The following UNC13C variants were observed in gnomAD, a reference collection of about 807,000 sequenced individuals.
The protein encoded by UNC13C is unc-13 homolog C.
Under a neutral mutation model 245.4 loss-of-function variants are expected in UNC13C, and 174 were observed. That is an observed-to-expected ratio of 0.71 (90% CI 0.63 to 0.80). The LOEUF (loss-of-function observed/expected upper bound fraction) is 0.80, where lower values mean the gene tolerates loss of function less well. UNC13C is among the 30% of genes least tolerant of loss of function. The pLI, the probability that UNC13C is intolerant of heterozygous loss-of-function variation, is 0.00. For synonymous variants in UNC13C, 992 were observed against 895.1 expected (o/e 1.11, Z -1.93); for missense variants, 2,829 against 2,602.9 (o/e 1.09, Z -1.89).
chr15:54,437,913 G>A (rs764879122), intron 19 of UNC13C, among the ~76,000 whole-genome samples: 7 of 151,886 alleles, frequency 4.6e-5, no homozygotes, highest in Non-Finnish European at 1.0e-4. Flanking sequence ...TTAGGTATAC[G>A]ATAAAAGCCA....
At chr15:53,971,673 C>A in the UNC13C span, among the ~76,000 whole-genome samples, 1 of 152,038 alleles carries the variant, frequency 6.6e-6, no homozygotes, top group Non-Finnish European at 1.5e-5. Context: ...AGTATACTTT[C>A]TTTTAAGAAA....
upstream of UNC13C, among the ~76,000 whole-genome samples, chr15:53,978,044 A>T (rs1017661496): frequency 2.6e-5 from 4 of 152,188 alleles, no homozygotes; most frequent in Non-Finnish European, 5.9e-5. Context: ...GCTAATAGGG[A>T]ATGATACTGT....
chr15:54,241,138 G>A (rs1011703648), intron 7 of UNC13C, among the ~76,000 whole-genome samples: 4 of 152,144 alleles, frequency 2.6e-5, no homozygotes, highest in African/African-American at 9.7e-5. Context: ...TGGGAAACCA[G>A]GTAGAGGGAG....
At chr15:53,981,674 A>G (rs934041764) in intron 1 of UNC13C, among the ~76,000 whole-genome samples, 1 of 152,210 alleles carries the variant, frequency 6.6e-6, no homozygotes, top group Non-Finnish European at 1.5e-5. Flanking sequence ...TTGAGAATGC[A>G]AAAGACTGAT....
intron 26 of UNC13C, among the ~76,000 whole-genome samples, chr15:54,535,923 T>C (rs1895963799): frequency 6.6e-6 from 1 of 151,778 alleles, no homozygotes; most frequent in African/African-American, 2.4e-5. Context: ...CTAGAAAAGC[T>C]AGGAAAACAA....
chr15:53,996,148 T>A (rs1001274063), intron 1 of UNC13C, among the ~76,000 whole-genome samples: 4 of 152,180 alleles, frequency 2.6e-5, no homozygotes, highest in African/African-American at 9.6e-5. Context: ...GGAAGAGATG[T>A]GATCCTTGGA....
intron 30 of UNC13C, among the ~76,000 whole-genome samples, chr15:54,614,988 T>G (rs1900336727): frequency 6.6e-6 from 1 of 152,036 alleles, no homozygotes; most frequent in South Asian, 2.1e-4. Context: ...TATAGAATTT[T>G]TGTTTCAGAT....
Position 54,546,709 on chromosome 15 carries a change from A to ATT in UNC13C, c.5697-5_5697-4dup, listed in dbSNP as rs746243767. ...AATTTAAAAGTGAATATATATATAT[A>ATT]TTTTTTTTTCAGATTAAGTCTCTCA... On this transcript the variant is annotated splice_polypyrimidine_tract_variant and intron_variant, in intron 26 of 32. Coordinates refer to ENST00000260323, the MANE Select transcript of UNC13C (RefSeq NM_001080534.3). 2.9e-6 allele frequency: 4 copies of ATT among 1,376,838 alleles called. No homozygotes were observed. Among genetic ancestry groups the ATT allele is most frequent in the African/African-American group, 1.5e-5 (1 of 64,978 alleles). The allele number at this position is 1,376,838 out of a possible 1,614,324, so 85.3% of individuals were successfully genotyped here.
At chr15:54,511,863 A>C (rs1188441523) in intron 24 of UNC13C, 33 bp downstream of exon 24, 1 of 1,492,994 alleles carries the variant, frequency 6.7e-7, no homozygotes, top group Non-Finnish European at 9.2e-7. Context: ...TTTGCTAAAA[A>C]CCTACTTAGA....
the UNC13C span, among the ~76,000 whole-genome samples, chr15:53,900,106 C>T: frequency 1.3e-5 from 2 of 152,282 alleles, no homozygotes; most frequent in Admixed American, 6.5e-5. Context: ...CCCCCTCGAT[C>T]TTCAATCATA....
At chr15:54,098,613 G>C (rs899025864) in intron 2 of UNC13C, among the ~76,000 whole-genome samples, 2 of 151,250 alleles carry the variant, frequency 1.3e-5, no homozygotes, top group African/African-American at 2.4e-5. Context: ...TTTTTTCTTA[G>C]TAGATTATAA....
intron 10 of UNC13C, among the ~76,000 whole-genome samples, chr15:54,274,538 AAC>A (rs2036776509): frequency 6.6e-6 from 1 of 152,172 alleles, no homozygotes; most frequent in African/African-American, 2.4e-5. Flanking sequence ...AAATGGAAGA[AAC>A]ACAACTCATG....
chr15:54,422,774 G>A (rs1048090994), intron 19 of UNC13C, among the ~76,000 whole-genome samples: 1 of 151,504 alleles, frequency 6.6e-6, no homozygotes, highest in African/African-American at 2.4e-5. Flanking sequence ...ACACTCCCAC[G>A]CATCTCCAAC....
intron 4 of UNC13C, among the ~76,000 whole-genome samples, chr15:54,206,992 C>G (rs1030589932): frequency 6.6e-6 from 1 of 151,860 alleles, no homozygotes; most frequent in Admixed American, 6.6e-5. Flanking sequence ...CCCAAGGTAC[C>G]CTAAGTAGCA....
At chr15:54,359,803 G>A (rs1511790) in intron 17 of UNC13C, among the ~76,000 whole-genome samples, 70,939 of 151,130 alleles carry the variant, frequency 0.47, 16,963 homozygotes, top group East Asian at 0.73. Flanking sequence ...ACCAAGTCTT[G>A]GTTTTGTTTT....
At chr15:53,852,244 T>C in the UNC13C span, among the ~76,000 whole-genome samples, 83 of 152,314 alleles carry the variant, frequency 5.4e-4, no homozygotes, top group Admixed American at 4.4e-3. Context: ...ACACATTTGG[T>C]CACAGTGTCT....
intron 25 of UNC13C, among the ~76,000 whole-genome samples, chr15:54,532,012 C>G (rs1441220988): frequency 6.7e-6 from 1 of 150,206 alleles, no homozygotes; most frequent in Non-Finnish European, 1.5e-5. Context: ...AGTGGCAGTA[C>G]TTCATTTTTC....
At chr15:53,934,923 TATC>T in the UNC13C span, among the ~76,000 whole-genome samples, 2 of 152,136 alleles carry the variant, frequency 1.3e-5, no homozygotes, top group Non-Finnish European at 2.9e-5. Context: ...CACATCCTAA[TATC>T]ATTACATTGG....
intron 30 of UNC13C, among the ~76,000 whole-genome samples, chr15:54,611,239 A>C (rs1028536375): frequency 6.6e-6 from 1 of 152,190 alleles, no homozygotes; most frequent in Non-Finnish European, 1.5e-5. Context: ...GATAAGAGGT[A>C]AATTTGTTTA....
Sources: allele counts gnomAD v4.1 joint callset (sites outside exome capture counted in the v4.1 genomes callset), GRCh38; gene constraint gnomAD v4.1.1; transcripts MANE v1.5; gene names NCBI Gene and HGNC (gene_info 2026-07-23, HGNC 2026-07-21).